TRIQK: variants seen among roughly 807,000 people sequenced by gnomAD.
The protein encoded by TRIQK is triple QxxK/R motif-containing protein.
In TRIQK, 10 loss-of-function variants were observed where a neutral mutation model predicts 10.8. The observed-to-expected ratio is 0.92, with a 90% CI of 0.57 to 1.57. TRIQK has a LOEUF of 1.57. Among genes scored for constraint, TRIQK ranks in the 40% most tolerant of loss-of-function variants. The pLI, the probability that TRIQK is intolerant of heterozygous loss-of-function variation, is 0.00. For missense variants in TRIQK, 107 were observed against 97.7 expected (o/e 1.09, Z -0.40); for synonymous variants, 33 against 33.7 (o/e 0.98, Z 0.07).
In TRIQK at chr8:92,886,661, G is replaced by C; in HGVS notation, c.222C>G (p.Thr74=). 2 of 1,531,108 alleles carry C rather than the reference G, an allele frequency of 1.3e-6. No homozygotes were observed. The highest frequency in any genetic ancestry group is 1.8e-6 in the Non-Finnish European group (2 of 1,142,800). The allele number at this position is 1,531,108 out of a possible 1,614,324, so 94.8% of individuals were successfully genotyped here. ...AFYAFFYLRL[T]TDVDPDLDQD... The stretch of plus-strand genomic sequence containing the variant: ...GGTCCAGATCAGGGTCAACATCCGT[G>C]GTGAGTCTGAGATAAAAGAAAGCAT... The change falls in exon 5 of 5, where the codon ACC becomes ACG. Residue 74 remains threonine, a synonymous_variant. Coordinates refer to ENST00000521988, the MANE Select transcript of TRIQK (RefSeq NM_001171797.2).
At chr8:92,890,513 A>C (rs1427910567) in intron 4 of TRIQK, among the ~76,000 whole-genome samples, 1 of 151,850 alleles carries the variant, frequency 6.6e-6, no homozygotes. Flanking sequence ...CTGCACTATA[A>C]GGTAGACCTT....
chr8:92,919,245 G>A (rs1305662180), intron 2 of TRIQK, among the ~76,000 whole-genome samples: 4 of 151,686 alleles, frequency 2.6e-5, no homozygotes, highest in African/African-American at 9.7e-5. Context: ...TTGTTCTTTA[G>A]GATTTTTGTG....
intron 2 of TRIQK, among the ~76,000 whole-genome samples, chr8:92,944,465 G>C (rs899764680): frequency 5.9e-5 from 9 of 152,054 alleles, no homozygotes; most frequent in African/African-American, 1.9e-4. Flanking sequence ...ACCTAAGTCT[G>C]TATAAACGAA....
At chr8:92,908,139 C>A (rs1809376820) in intron 3 of TRIQK, among the ~76,000 whole-genome samples, 1 of 152,044 alleles carries the variant, frequency 6.6e-6, no homozygotes, top group South Asian at 2.1e-4. Flanking sequence ...CTTACCCTTG[C>A]CCAGAAACAA....
chr8:93,004,379 C>A, intron 1 of TRIQK, among the ~76,000 whole-genome samples: 1 of 152,178 alleles, frequency 6.6e-6, no homozygotes, highest in South Asian at 2.1e-4. Flanking sequence ...GTGGCTGGGA[C>A]ACATCAGAGC....
At chr8:92,921,525 C>T (rs918692371) in intron 2 of TRIQK, 3 of 151,702 alleles carry the variant, frequency 2.0e-5, no homozygotes, top group African/African-American at 7.3e-5. Context: ...TCCTTGCATA[C>T]TCATTTATCT....
At chr8:92,971,970 AATT>A (rs1812881172) in intron 1 of TRIQK, among the ~76,000 whole-genome samples, 1 of 152,168 alleles carries the variant, frequency 6.6e-6, no homozygotes, top group African/African-American at 2.4e-5. Flanking sequence ...ACACATCTAG[AATT>A]ATTATGATTT....
At chr8:92,939,600 C>T (rs1167211649) in intron 2 of TRIQK, among the ~76,000 whole-genome samples, 1 of 152,152 alleles carries the variant, frequency 6.6e-6, no homozygotes, top group Non-Finnish European at 1.5e-5. Context: ...AGATGTCCTC[C>T]TCCACAGATC....
intron 2 of TRIQK, among the ~76,000 whole-genome samples, chr8:92,951,379 G>A (rs1035126534): frequency 6.6e-6 from 1 of 151,936 alleles, no homozygotes; most frequent in Non-Finnish European, 1.5e-5. Flanking sequence ...AGAAAAATGA[G>A]GACACAGAGC....
chr8:92,946,186 T>C (rs1225194942), intron 2 of TRIQK, among the ~76,000 whole-genome samples: 1 of 151,844 alleles, frequency 6.6e-6, no homozygotes, highest in East Asian at 1.9e-4. Flanking sequence ...AAACAGAAAA[T>C]TCACATATAG....
At position 92,947,557 on chromosome 8, in the gene TRIQK, C is replaced by T. The variant is rs1169953810; in HGVS notation, c.-22+6849G>A. On this transcript the variant is annotated intron_variant, in intron 2 of 4. Transcript: ENST00000521988. ...CGAGATTGCGCCATTGCATTCTAGC[C>T]CGGGCAATAAGAGTGAAACTCCGCC... Among the ~76,000 whole-genome samples, 4 of 145,664 alleles carry T rather than the reference C, an allele frequency of 2.7e-5. No homozygotes were observed. The East Asian group carries it at 8.0e-4, about 29-fold the overall frequency.
chr8:92,884,656 C>A lies in TRIQK; in HGVS notation c.*1966G>T. 4 of 329,238 alleles carry A rather than the reference C, an allele frequency of 1.2e-5. No individual in the cohort carries two copies. The highest frequency in any genetic ancestry group is 2.5e-5 in the South Asian group (1 of 40,290). The allele number at this position is 329,238 out of a possible 1,614,324, so 20.4% of individuals were successfully genotyped here. A position where few individuals can be genotyped will look rare whatever the true frequency, so the allele number is the denominator to read the frequency against. On this transcript the variant is annotated 3_prime_UTR_variant, in exon 5 of 5. Coordinates refer to ENST00000521988, the MANE Select transcript of TRIQK (RefSeq NM_001171797.2). ...TTTCAAACATTTCCAAGACCATAACCAGCCATTTTAAGTACTGTAAACTCT... is the reference window on the plus strand; with the variant it reads ...TTTCAAACATTTCCAAGACCATAACAAGCCATTTTAAGTACTGTAAACTCT...
chr8:92,924,191 T>C (rs1225139678), intron 2 of TRIQK, among the ~76,000 whole-genome samples: 1 of 151,958 alleles, frequency 6.6e-6, no homozygotes, highest in African/African-American at 2.4e-5. Flanking sequence ...TCATGCTAGA[T>C]GCTGAGGATA....
exon 1 of TRIQK, chr8:93,017,627 C>T (rs1813398386): frequency 6.6e-6 from 1 of 152,224 alleles, no homozygotes; most frequent in South Asian, 2.1e-4. Flanking sequence ...TAAAAGGCTC[C>T]CCTCAGAAGA....
chr8:92,955,758 G>A (rs963419634), intron 1 of TRIQK, among the ~76,000 whole-genome samples: 5 of 151,668 alleles, frequency 3.3e-5, no homozygotes, highest in African/African-American at 1.2e-4. Context: ...TTTTAAATGG[G>A]CAAAGTATTT....
intron 2 of TRIQK, among the ~76,000 whole-genome samples, chr8:92,950,700 T>C (rs1431750652): frequency 6.6e-6 from 1 of 152,120 alleles, no homozygotes; most frequent in African/African-American, 2.4e-5. Context: ...CAATGATAAG[T>C]TTAGCATCTC....
intron 3 of TRIQK, among the ~76,000 whole-genome samples, chr8:92,901,400 T>C (rs1808930957): frequency 6.6e-6 from 1 of 152,210 alleles, no homozygotes; most frequent in Non-Finnish European, 1.5e-5. Context: ...ATGGCTTTTA[T>C]TACGTTGAGG....
At chr8:93,004,065 A>T (rs939855040) in intron 1 of TRIQK, among the ~76,000 whole-genome samples, 38 of 152,230 alleles carry the variant, frequency 2.5e-4, no homozygotes, top group African/African-American at 7.0e-4. Context: ...TGCAGTCTGA[A>T]GGAGGTAGCC....
At chr8:93,016,596 T>G (rs1559732) in intron 1 of TRIQK, among the ~76,000 whole-genome samples, 1 of 152,076 alleles carries the variant, frequency 6.6e-6, no homozygotes, top group Non-Finnish European at 1.5e-5. Flanking sequence ...TTAAATTCAG[T>G]TCTTATTTTT....
Sources: gnomAD v4.1 joint callset for allele counts (sites outside exome capture counted in the v4.1 genomes callset) on GRCh38, gnomAD v4.1.1 for gene constraint, MANE v1.5 for transcripts, NCBI Gene and HGNC (gene_info 2026-07-23, HGNC 2026-07-21) for gene names.